NRG3: variants seen among roughly 807,000 people sequenced by gnomAD.
NRG3 encodes the protein neuregulin 3, also known as pro-neuregulin-3, membrane-bound isoform.
Under a neutral mutation model 66.9 loss-of-function variants are expected in NRG3, and 31 were observed. The ratio of observed to expected loss-of-function variants is 0.46; its 90% CI spans 0.35 to 0.63. The LOEUF (loss-of-function observed/expected upper bound fraction) is 0.63. NRG3 is among the 20% of genes least tolerant of loss of function. The pLI, the probability that NRG3 is intolerant of heterozygous loss-of-function variation, is 0.00. For missense variants in NRG3, 910 were observed against 878.9 expected, an observed-to-expected ratio of 1.04 and a Z score of -0.45; for synonymous variants, 393 against 359.4, an observed-to-expected ratio of 1.09 and a Z score of -1.06.
intron 1 of NRG3, among the ~76,000 whole-genome samples, chr10:82,061,767 T>A (rs2064151938): frequency 6.6e-6 from 1 of 151,852 alleles, no homozygotes; most frequent in South Asian, 2.1e-4. Context: ...CCATAACTGC[T>A]CTCTTCCCTC....
intron 2 of NRG3, among the ~76,000 whole-genome samples, chr10:82,613,182 G>T (rs2048415364): frequency 6.6e-6 from 1 of 152,126 alleles, no homozygotes. Context: ...GGCAGTTCAA[G>T]AAGTACTTTG....
At chr10:82,104,722 C>CTAAAA (rs2132159020) in intron 1 of NRG3, among the ~76,000 whole-genome samples, 1 of 151,736 alleles carries the variant, frequency 6.6e-6, no homozygotes, top group African/African-American at 2.4e-5. Context: ...TATACGATTG[C>CTAAAA]AATTTAAAAA....
intron 2 of NRG3, among the ~76,000 whole-genome samples, chr10:82,436,049 A>G (rs2090119262): frequency 6.6e-6 from 1 of 152,126 alleles, no homozygotes; most frequent in African/African-American, 2.4e-5. Flanking sequence ...GACATCTACT[A>G]GGTCCACTTG....
rs1853482850 is a variant in NRG3, at chr10:82,987,119, G to A, written c.*1514G>A. On this transcript the variant is annotated 3_prime_UTR_variant, in exon 9 of 9. Transcript: ENST00000372141. ...ATATCCAGTCTTTTTCCAATTATTG[G>A]TGGTGTTGAGTTGTTATGTTTACAC... The A allele has an allele frequency of 6.6e-6, 1 of 152,112 alleles. No individual in the cohort carries two copies. Among genetic ancestry groups the A allele is most frequent in the Admixed American group, 6.5e-5 (1 of 15,280 alleles). 9.4% of individuals were successfully genotyped at this position (152,112 alleles called of 1,614,324 possible).
chr10:82,752,451 A>G (rs1197728646), intron 3 of NRG3, among the ~76,000 whole-genome samples: 1 of 152,174 alleles, frequency 6.6e-6, no homozygotes, highest in Non-Finnish European at 1.5e-5. Flanking sequence ...CTCGTAATAC[A>G]CACTGTTCCA....
At chr10:82,060,360 A>T (rs1454368308) in intron 1 of NRG3, among the ~76,000 whole-genome samples, 1 of 152,130 alleles carries the variant, frequency 6.6e-6, no homozygotes, top group Non-Finnish European at 1.5e-5. Flanking sequence ...CTTAAACTGA[A>T]ATATTTCTTA....
At chr10:82,839,144 A>G (rs1392289044) in intron 3 of NRG3, among the ~76,000 whole-genome samples, 5 of 152,216 alleles carry the variant, frequency 3.3e-5, no homozygotes, top group South Asian at 2.1e-4. Context: ...TATAATCATC[A>G]TCCAAACTGA....
chr10:82,029,329 C>A (rs915632298), intron 1 of NRG3, among the ~76,000 whole-genome samples: 1 of 152,080 alleles, frequency 6.6e-6, no homozygotes, highest in Admixed American at 6.6e-5. Flanking sequence ...TAAAAATAGA[C>A]ATAAATATGC....
chr10:82,865,159 A>T (rs1308958064), intron 3 of NRG3, among the ~76,000 whole-genome samples: 1 of 152,168 alleles, frequency 6.6e-6, no homozygotes, highest in Non-Finnish European at 1.5e-5. Flanking sequence ...TTCATGATGT[A>T]TGCAATATTA....
At chr10:82,201,196 C>CAAAAAA (rs35232518) in intron 1 of NRG3, among the ~76,000 whole-genome samples, 1 of 78,050 alleles carries the variant, frequency 1.3e-5, no homozygotes, top group African/African-American at 4.8e-5. Context: ...GACTCTGTCT[C>CAAAAAA]AAAAAAAAAA....
intron 3 of NRG3, among the ~76,000 whole-genome samples, chr10:82,796,413 A>C (rs1046723717): frequency 4.6e-5 from 7 of 152,188 alleles, no homozygotes; most frequent in Non-Finnish European, 1.0e-4. Flanking sequence ...AGGACTCTGC[A>C]GCGAAGTCTG....
At chr10:82,663,114 GTC>G (rs1187340546) in intron 2 of NRG3, among the ~76,000 whole-genome samples, 1 of 152,290 alleles carries the variant, frequency 6.6e-6, no homozygotes, top group East Asian at 1.9e-4. Flanking sequence ...GTAACTAGCA[GTC>G]TCTGAGCAAA....
chr10:82,511,135 A>G (rs559828777), intron 2 of NRG3, among the ~76,000 whole-genome samples: 3 of 152,224 alleles, frequency 2.0e-5, no homozygotes, highest in Non-Finnish European at 4.4e-5. Context: ...AGACTGGCCT[A>G]TAACTGTGGA....
intron 1 of NRG3, among the ~76,000 whole-genome samples, chr10:82,122,450 C>A (rs937538477): frequency 2.0e-5 from 3 of 152,142 alleles, no homozygotes; most frequent in Non-Finnish European, 4.4e-5. Flanking sequence ...TTTGTCTTCA[C>A]AGATACTTGG....
At chr10:82,806,692 A>G (rs1037189464) in intron 3 of NRG3, among the ~76,000 whole-genome samples, 56 of 152,328 alleles carry the variant, frequency 3.7e-4, no homozygotes, top group African/African-American at 1.2e-3. Flanking sequence ...TCAGGAGGGA[A>G]AAAGAGAATA....
chr10:82,344,398 A>C (rs902447876), intron 1 of NRG3, among the ~76,000 whole-genome samples: 89 of 150,652 alleles, frequency 5.9e-4, no homozygotes, highest in African/African-American at 2.0e-3. Context: ...TGAACTCATC[A>C]TTTTTTACGG....
chr10:82,584,786 A>G (rs2046565793), intron 2 of NRG3, among the ~76,000 whole-genome samples: 2 of 152,082 alleles, frequency 1.3e-5, no homozygotes, highest in Admixed American at 6.6e-5. Flanking sequence ...AACGCCAGCC[A>G]TTGTCTTTTA....
chr10:82,050,454 G>A (rs1488062205), intron 1 of NRG3, among the ~76,000 whole-genome samples: 2 of 151,956 alleles, frequency 1.3e-5, no homozygotes, highest in African/African-American at 4.8e-5. Flanking sequence ...TGAATGGATT[G>A]GTGGATGGAT....
intron 1 of NRG3, among the ~76,000 whole-genome samples, chr10:82,259,739 G>C (rs1208254454): frequency 2.0e-5 from 3 of 152,042 alleles, no homozygotes; most frequent in Admixed American, 6.6e-5. Context: ...ACCAGCCTGA[G>C]CTACATAGTG....
Sources: allele counts gnomAD v4.1 joint callset (sites outside exome capture counted in the v4.1 genomes callset), GRCh38; gene constraint gnomAD v4.1.1; transcripts MANE v1.5; gene names NCBI Gene and HGNC (gene_info 2026-07-23, HGNC 2026-07-21).